Variants in ZNF521 observed in about 807,000 individuals in gnomAD.
The protein encoded by ZNF521 is LYST-interacting protein 3.
Under a neutral mutation model 105.5 loss-of-function variants are expected in ZNF521, and 14 were observed. The observed-to-expected ratio is 0.13, with a 90% CI of 0.09 to 0.21. ZNF521 has a LOEUF of 0.21. Ranked by LOEUF, ZNF521 falls within the 10% of genes least tolerant of loss-of-function variation. The pLI is 1.00. For synonymous variants in ZNF521, 635 were observed against 606.0 expected (o/e 1.05, Z -0.70); for missense variants, 1,233 against 1,629.7 (o/e 0.76, Z 4.19).
intron 2 of ZNF521, among the ~76,000 whole-genome samples, 187 bp downstream of exon 2, chr18:25,350,720 C>G (rs1914705754): frequency 6.6e-6 from 1 of 151,388 alleles, no homozygotes; most frequent in South Asian, 2.1e-4. Flanking sequence ...CCGTCTTCGT[C>G]TCCCCCCACC....
intron 5 of ZNF521, among the ~76,000 whole-genome samples, chr18:25,109,040 C>T (rs562094364): frequency 3.9e-5 from 6 of 152,158 alleles, no homozygotes; most frequent in African/African-American, 9.6e-5. Flanking sequence ...TCTGGATGTC[C>T]GTTCAGTGTA....
chr18:25,259,655 A>T (rs1248391589), intron 3 of ZNF521, among the ~76,000 whole-genome samples: 2 of 152,156 alleles, frequency 1.3e-5, no homozygotes, highest in Non-Finnish European at 2.9e-5. Flanking sequence ...CGCATTGGGC[A>T]ATAAAGATCT....
intron 5 of ZNF521, among the ~76,000 whole-genome samples, chr18:25,194,798 C>G (rs1324979032): frequency 6.6e-6 from 1 of 151,632 alleles, no homozygotes; most frequent in African/African-American, 2.4e-5. Context: ...AGTGCCATTA[C>G]CATAATAACT....
chr18:25,263,483 A>G (rs201730136), intron 3 of ZNF521, among the ~76,000 whole-genome samples: 4 of 152,002 alleles, frequency 2.6e-5, no homozygotes, highest in African/African-American at 9.6e-5. Context: ...TCAGCCTCCC[A>G]ATTAGCTGGG....
intron 5 of ZNF521, 77 bp from the exon 6 acceptor site, chr18:25,092,158 G>C (rs2033760840): frequency 6.5e-7 from 1 of 1,528,266 alleles, no homozygotes; most frequent in Admixed American, 1.8e-5. Context: ...ATCTTTAATT[G>C]CATATATTAA....
chr18:25,169,153 A>G (rs541615046), intron 5 of ZNF521, among the ~76,000 whole-genome samples: 1 of 152,332 alleles, frequency 6.6e-6, no homozygotes, highest in African/African-American at 2.4e-5. Flanking sequence ...TTCAGTAACA[A>G]AAAGGTCATC....
intron 3 of ZNF521, among the ~76,000 whole-genome samples, chr18:25,309,638 A>T (rs1912184464): frequency 6.6e-6 from 1 of 152,226 alleles, no homozygotes. Context: ...GTGAAAAGCA[A>T]ATATTTTGCA....
At position 25,322,058 on chromosome 18, in the gene ZNF521, T is replaced by C. The variant is rs758649232; in HGVS notation, c.170A>G (p.Glu57Gly). 3 of 1,614,204 alleles carry C rather than the reference T, an allele frequency of 1.9e-6. No individual in the cohort carries two copies. The highest frequency in any genetic ancestry group is 2.5e-6 in the Non-Finnish European group (3 of 1,180,046). Residue 57 changes from glutamate to glycine, a missense_variant, in exon 3 of 8, where the codon GAA (glutamate) becomes GGA (glycine). Physicochemically the swap from Glu to Gly is moderately conservative, Grantham distance 98. Transcript: ENST00000361524. ...HSCDSCLQVF[E>G]SLSDITEHKI... ...GTGTTCTGTGATATCGCTCAGCGATTCAAACACCTGGAGGCAGCTGTCACA... is the reference window on the plus strand; with the variant it reads ...GTGTTCTGTGATATCGCTCAGCGATCCAAACACCTGGAGGCAGCTGTCACA...
chr18:25,170,206 CT>C (rs1266832777), intron 5 of ZNF521, among the ~76,000 whole-genome samples: 1 of 151,884 alleles, frequency 6.6e-6, no homozygotes, highest in African/African-American at 2.4e-5. Flanking sequence ...CAAAACCAAC[CT>C]TCTGGTTCCT....
At chr18:25,337,279 T>A (rs1913945486) in intron 2 of ZNF521, among the ~76,000 whole-genome samples, 1 of 152,098 alleles carries the variant, frequency 6.6e-6, no homozygotes, top group African/African-American at 2.4e-5. Flanking sequence ...GATCTATTAG[T>A]TACAAGGGAA....
chr18:25,205,896 C>T (rs1201251109), intron 4 of ZNF521, among the ~76,000 whole-genome samples: 3 of 152,050 alleles, frequency 2.0e-5, no homozygotes, highest in Non-Finnish European at 2.9e-5. Context: ...TCTTATAATT[C>T]GTTTACATGT....
chr18:25,145,493 C>T (rs994412260), intron 5 of ZNF521, among the ~76,000 whole-genome samples: 14 of 152,106 alleles, frequency 9.2e-5, no homozygotes, highest in African/African-American at 3.1e-4. Context: ...AAATAAAAAA[C>T]AAACTTCTTC....
At chr18:25,073,198 A>G (rs78730834) in intron 7 of ZNF521, among the ~76,000 whole-genome samples, 4,844 of 152,300 alleles carry the variant, frequency 0.032, 282 homozygotes, top group African/African-American at 0.11. Context: ...TCTGCTAAAT[A>G]TTTAACAGCC....
At chr18:25,329,323 T>C (rs1044230122) in intron 2 of ZNF521, among the ~76,000 whole-genome samples, 1 of 152,156 alleles carries the variant, frequency 6.6e-6, no homozygotes, top group African/African-American at 2.4e-5. Context: ...TCTGCATATG[T>C]TATTTCATGA....
rs919754983 is a variant in ZNF521 at position 25,289,850 on chromosome 18, T to C, written c.220+32158A>G. Among the ~76,000 whole-genome samples the C allele has an allele frequency of 1.3e-4, 20 of 152,202 alleles. 1 individual carries two copies. The highest frequency in any genetic ancestry group is 1.3e-3 in the Admixed American group (20 of 15,292). On this transcript the variant is annotated intron_variant, in intron 3 of 7. Transcript: ENST00000361524. ...AATCAACTTCCGCACACAATAAAAG[T>C]GTAGCTCTGTGTGTTATAAACTATT...
chr18:25,299,569 T>A (rs1252411375), intron 3 of ZNF521, among the ~76,000 whole-genome samples: 1 of 152,196 alleles, frequency 6.6e-6, no homozygotes, highest in South Asian at 2.1e-4. Flanking sequence ...AACAACACTG[T>A]AAGGTCTTTC....
At chr18:25,076,436 G>C (rs2033364186) in intron 7 of ZNF521, among the ~76,000 whole-genome samples, 1 of 152,148 alleles carries the variant, frequency 6.6e-6, no homozygotes, top group Admixed American at 6.5e-5. Context: ...AGGATGATAG[G>C]AGTCATATTC....
chr18:25,151,370 T>G (rs1236027530), intron 5 of ZNF521, among the ~76,000 whole-genome samples: 1 of 152,206 alleles, frequency 6.6e-6, no homozygotes, highest in Non-Finnish European at 1.5e-5. Flanking sequence ...ATTTAATCAC[T>G]TCTGGTCATC....
intron 7 of ZNF521, among the ~76,000 whole-genome samples, chr18:25,066,011 T>C (rs1483872676): frequency 6.6e-6 from 1 of 152,196 alleles, no homozygotes; most frequent in Admixed American, 6.5e-5. Flanking sequence ...GTATGGCTTG[T>C]GAAATTCAAA....
Sources: allele counts gnomAD v4.1 joint callset (sites outside exome capture counted in the v4.1 genomes callset), GRCh38; gene constraint gnomAD v4.1.1; transcripts MANE v1.5; gene names NCBI Gene and HGNC (gene_info 2026-07-23, HGNC 2026-07-21).